SKI: variants seen among roughly 807,000 people sequenced by gnomAD.
The protein encoded by SKI is SKI proto-oncogene.
In SKI, 23 loss-of-function variants were observed where a neutral mutation model predicts 59.3. The observed-to-expected ratio is 0.39, with a 90% CI of 0.28 to 0.55. The LOEUF (loss-of-function observed/expected upper bound fraction) is 0.55. Among genes scored for constraint, SKI ranks in the 20% least tolerant of loss-of-function variants. SKI has a pLI of 0.67. For missense variants in SKI, 1,017 were observed against 1,038.9 expected (o/e 0.98, Z 0.29); for synonymous variants, 673 against 488.6 (o/e 1.38, Z -4.98).
chr1:2,246,980 T>G (rs1044851755), intron 1 of SKI, among the ~76,000 whole-genome samples: 5 of 152,146 alleles, frequency 3.3e-5, no homozygotes, highest in Admixed American at 2.0e-4. Flanking sequence ...CCCAGCACTT[T>G]GGGAGGCTGA....
In SKI at chr1:2,303,043, G is replaced by A. The variant is rs373868271; in HGVS notation, c.1035G>A (p.Ala345=). ...KTDDTSSQSP[A]PSEKDKPSSW... ...ATGACACCTCTTCCCAGTCCCCCGC[G>A]CCTTCCGAAAAGGACAAGCCGTCCA... is the stretch of plus-strand genomic sequence containing the variant. Residue 345 remains alanine, a synonymous_variant, in exon 2 of 7, where the codon GCG becomes GCA. Transcript: ENST00000378536. This position sits in a 1 kb window ranked among gnomAD's most constrained non-coding sequence, Gnocchi z 5.6. 1.3e-5 allele frequency: 21 copies of A among 1,613,604 alleles called. No individual in the cohort carries two copies. The African/African-American group carries it at 1.6e-4, about 12-fold the overall frequency.
chr1:2,243,310 C>T (rs1365615516), intron 1 of SKI, among the ~76,000 whole-genome samples: 1 of 152,268 alleles, frequency 6.6e-6, no homozygotes, highest in African/African-American at 2.4e-5. Flanking sequence ...GCTCCGCGTA[C>T]CACCTGCTTC....
rs555946709 is a variant in SKI, at chr1:2,306,163, G to A, written c.1911G>A (p.Leu637=). 1.6e-5 allele frequency: 26 copies of A among 1,592,992 alleles called. No individual in the cohort carries two copies. Among genetic ancestry groups the A allele is most frequent in the Non-Finnish European group, 2.0e-5 (23 of 1,170,916 alleles). ...MKEANESRLR[L]KRELEQARQA... is the part of the protein sequence containing the mutation. ...AGGCCAACGAGTCACGGCTGCGCCT[G>A]AAGCGGGAGCTGGAGCAGGCGCGGC... Residue 637 remains leucine (L), a synonymous_variant, in exon 6 of 7, where the codon CTG becomes CTA. Transcript: ENST00000378536.
Position 2,228,919 on chromosome 1 carries a change from C to T in SKI, c.153C>T (p.Ser51=). 1.4e-6 allele frequency: 2 copies of T among 1,396,092 alleles called. No individual in the cohort carries two copies. Among genetic ancestry groups the T allele is most frequent in the Middle Eastern group, 2.5e-4 (1 of 4,076 alleles). The allele number at this position is 1,396,092 out of a possible 1,614,324, so 86.5% of individuals were successfully genotyped here. A position where few individuals can be genotyped will look rare whatever the true frequency, so the allele number is the denominator to read the frequency against. The stretch of plus-strand genomic sequence containing the variant: ...CGCAGGAGGCCTACAAGAAGGAGAG[C>T]GCCAAGGAGGCGGGCGCGGCCGCGG... The part of the protein sequence containing the change: ...RWAQEAYKKE[S]AKEAGAAAVP... Residue 51 remains serine (S), a synonymous_variant, in exon 1 of 7, where the codon AGC becomes AGT. Transcript: ENST00000378536.
chr1:2,258,788 C>G (rs1180168708), intron 1 of SKI, among the ~76,000 whole-genome samples: 2 of 152,114 alleles, frequency 1.3e-5, no homozygotes, highest in Non-Finnish European at 2.9e-5. Context: ...ACCTTGTGAG[C>G]TACCCACCTT....
Position 2,229,015 on chromosome 1 carries a change from G to T in SKI, c.249G>T (p.Pro83=). 6.3e-7 allele frequency: 1 copy of T among 1,588,584 alleles called. No homozygotes were observed. The highest frequency in any genetic ancestry group is 8.5e-7 in the Non-Finnish European group (1 of 1,173,948). ...ACCTGCCCGCCATCCAGCCGCCGCC[G>T]CCCGTGCTGCCCGGGCCCTTCTTCA... is the stretch of plus-strand genomic sequence containing the variant. The part of the protein sequence containing the change: ...VLHLPAIQPP[P]PVLPGPFFMP... Residue 83 remains proline (P), a synonymous_variant, in exon 1 of 7, where the codon CCG becomes CCT. Coordinates refer to ENST00000378536, the MANE Select transcript of SKI (RefSeq NM_003036.4). The surrounding 1 kb of genome is among the most constrained non-coding windows in gnomAD (Gnocchi z 6.3).
At chr1:2,271,450 A>C (rs1639617190) in intron 1 of SKI, among the ~76,000 whole-genome samples, 1 of 152,056 alleles carries the variant, frequency 6.6e-6, no homozygotes, top group Admixed American at 6.5e-5. Context: ...CTTTTAAAGA[A>C]GACTCATTCA....
At chr1:2,271,274 T>C (rs894102736) in intron 1 of SKI, among the ~76,000 whole-genome samples, 5 of 152,060 alleles carry the variant, frequency 3.3e-5, no homozygotes, top group Non-Finnish European at 7.4e-5. Flanking sequence ...TGAAGAACAC[T>C]TGCTGTCCTC....
chr1:2,278,198 C>G (rs1639787830), intron 1 of SKI, among the ~76,000 whole-genome samples: 3 of 152,234 alleles, frequency 2.0e-5, no homozygotes, highest in Admixed American at 6.5e-5. Flanking sequence ...CCACTGGTCT[C>G]TGTGCCCCAC....
intron 1 of SKI, among the ~76,000 whole-genome samples, chr1:2,266,793 G>A (rs1252465651): frequency 6.6e-6 from 1 of 152,148 alleles, no homozygotes; most frequent in Non-Finnish European, 1.5e-5. Flanking sequence ...TCGTCACAGC[G>A]GCCGGATATC....
chr1:2,282,503 G>A (rs1015126274), intron 1 of SKI, among the ~76,000 whole-genome samples: 1 of 129,278 alleles, frequency 7.7e-6, no homozygotes, highest in African/African-American at 2.8e-5. Context: ...TCAGAGAGAG[G>A]ACGCCTGAGA....
intron 1 of SKI, among the ~76,000 whole-genome samples, chr1:2,251,665 TG>T (rs1345460264): frequency 1.3e-5 from 2 of 152,204 alleles, no homozygotes; most frequent in Admixed American, 1.3e-4. Context: ...CGCCGGGCAG[TG>T]GGAGACCTGC....
intron 1 of SKI, among the ~76,000 whole-genome samples, chr1:2,272,360 C>T (rs947250958): frequency 2.6e-5 from 4 of 152,244 alleles, no homozygotes; most frequent in Admixed American, 6.5e-5. Context: ...GTGTTGAGAC[C>T]GTGCTGCCCC....
rs1297091418 is a variant in SKI at position 2,228,994 on chromosome 1, G to T, written c.228G>T (p.Leu76=). The T allele has an allele frequency of 6.4e-7, 1 of 1,552,346 alleles. No homozygotes were observed. Among genetic ancestry groups the T allele is most frequent in the Non-Finnish European group, 8.6e-7 (1 of 1,156,116 alleles). ...CCGAGCCGCCGCCCGTGCTGCACCT[G>T]CCCGCCATCCAGCCGCCGCCGCCCG... ...AATEPPPVLH[L]PAIQPPPPVL... Residue 76 remains leucine (L), a synonymous_variant, in exon 1 of 7, where the codon CTG becomes CTT. Coordinates refer to ENST00000378536, the MANE Select transcript of SKI (RefSeq NM_003036.4).
chr1:2,235,214 T>C (rs1638727950), intron 1 of SKI, among the ~76,000 whole-genome samples: 1 of 152,106 alleles, frequency 6.6e-6, no homozygotes, highest in African/African-American at 2.4e-5. Context: ...AGTAATTTTT[T>C]TGTATTTTTA....
intron 1 of SKI, among the ~76,000 whole-genome samples, chr1:2,266,836 T>A (rs1461031649): frequency 1.3e-5 from 2 of 152,126 alleles, no homozygotes; most frequent in Non-Finnish European, 2.9e-5. Flanking sequence ...AGGCTGAGGC[T>A]CTTGTTGTGG....
At position 2,252,869 on chromosome 1, in the gene SKI, C is replaced by T. The variant is rs113311171; in HGVS notation, c.969+23134C>T. 3.3e-3 allele frequency among the ~76,000 whole-genome samples: 502 copies of T among 152,214 alleles called. 2 individuals are homozygous for T. The highest frequency in any genetic ancestry group is 0.012 in the African/African-American group (484 of 41,522). ...CAGCACTTTTGGAGTTGGCGATGGGCAGATCACTTGAGGTCAGGAGTTTGA... is the reference window on the plus strand; with the variant it reads ...CAGCACTTTTGGAGTTGGCGATGGGTAGATCACTTGAGGTCAGGAGTTTGA... On this transcript the variant is annotated intron_variant, in intron 1 of 6. Coordinates refer to ENST00000378536, the MANE Select transcript of SKI (RefSeq NM_003036.4).
In SKI at chr1:2,228,961, C is replaced by T. The variant is rs1300771712; in HGVS notation, c.195C>T (p.Pro65=). Residue 65 remains proline, a synonymous_variant, in exon 1 of 7, where the codon CCC becomes CCT. Transcript: ENST00000378536. ...CGGCCGCGGTGCCGGCGCCGGTGCC[C>T]GCAGCCACCGAGCCGCCGCCCGTGC... is the stretch of plus-strand genomic sequence containing the variant. ...AGAAAVPAPV[P]AATEPPPVLH... The T allele has an allele frequency of 7.0e-7, 1 of 1,425,058 alleles. No homozygotes were observed. Among genetic ancestry groups the T allele is most frequent in the Non-Finnish European group, 9.2e-7 (1 of 1,092,668 alleles). 88.3% of individuals were successfully genotyped at this position (1,425,058 alleles called of 1,614,324 possible).
Position 2,229,414 on chromosome 1 carries a change from C to G in SKI, c.648C>G (p.Arg216=), listed in dbSNP as rs1398417113. The change falls in exon 1 of 7, where the codon CGC becomes CGG. Residue 216 remains arginine, a synonymous_variant. Transcript: ENST00000378536. The surrounding 1 kb of genome is among the most constrained non-coding windows in gnomAD (Gnocchi z 6.3). ...SLALGLELSE[R]SVRVYHECFG... is the part of the protein sequence containing the mutation. ...CGCTGGGCCTGGAGCTCAGCGAGCG[C>G]AGCGTCCGCGTGTACCACGAGTGCT... 1 of 1,610,456 alleles carries G rather than the reference C, an allele frequency of 6.2e-7. No homozygotes were observed. The highest frequency in any genetic ancestry group is 1.3e-5 in the African/African-American group (1 of 74,880).
Sources: gnomAD v4.1 joint callset for allele counts (sites outside exome capture counted in the v4.1 genomes callset) on GRCh38, gnomAD v4.1.1 for gene constraint, Gnocchi (gnomAD v3.1) non-coding constraint, MANE v1.5 for transcripts, NCBI Gene and HGNC (gene_info 2026-07-23, HGNC 2026-07-21) for gene names.